ARFGEF3: variants seen among roughly 807,000 people sequenced by gnomAD.
ARFGEF3 encodes the protein ARFGEF family member 3.
In ARFGEF3, 96 loss-of-function variants were observed where a neutral mutation model predicts 221.7. The ratio of observed to expected loss-of-function variants is 0.43; its 90% CI spans 0.37 to 0.51. ARFGEF3 has a LOEUF of 0.51. Among genes scored for constraint, ARFGEF3 ranks in the 20% least tolerant of loss-of-function variants. The pLI, the probability that ARFGEF3 is intolerant of heterozygous loss-of-function variation, is 0.00. For missense variants in ARFGEF3, 2,410 were observed against 2,789.9 expected (o/e 0.86, Z 3.07); for synonymous variants, 1,145 against 1,126.8 (o/e 1.02, Z -0.32).
At chr6:138,206,336 A>C (rs1583010471) in intron 2 of ARFGEF3, among the ~76,000 whole-genome samples, 2 of 142,810 alleles carry the variant, frequency 1.4e-5, no homozygotes, top group African/African-American at 2.6e-5. Flanking sequence ...ATATCCAAAT[A>C]TCTCTCCTTT....
At position 138,263,131 on chromosome 6, in the gene ARFGEF3, A is replaced by G. The variant is rs768353537; in HGVS notation, c.1648A>G (p.Lys550Glu). The change falls in exon 12 of 34, where the codon AAA becomes GAA. Residue 550 changes from lysine (K) to glutamate (E), a missense_variant. By Grantham distance (56) the Lys-to-Glu change is moderately conservative. Coordinates refer to ENST00000251691, the MANE Select transcript of ARFGEF3 (RefSeq NM_020340.5). ...AIPEGKETLS[K>E]VLETEAVDQP... ...CCCAGAGGGTAAGGAGACGCTGAGC[A>G]AAGTATTGGAAACAGAGGCGGTAGA... 34 of 1,614,008 alleles carry G rather than the reference A, an allele frequency of 2.1e-5. No homozygotes were observed. The highest frequency in any genetic ancestry group is 2.9e-5 in the Non-Finnish European group (34 of 1,179,888).
chr6:138,225,911 A>G (rs1243052028), intron 4 of ARFGEF3, among the ~76,000 whole-genome samples: 1 of 152,180 alleles, frequency 6.6e-6, no homozygotes, highest in Non-Finnish European at 1.5e-5. Context: ...CATCTGCACT[A>G]TTTCTTTAAA....
chr6:138,198,537 T>C (rs896400602), intron 2 of ARFGEF3, among the ~76,000 whole-genome samples: 6 of 152,240 alleles, frequency 3.9e-5, no homozygotes, highest in Non-Finnish European at 7.3e-5. Context: ...GTAAACTGTT[T>C]AAATGTAAAG....
intron 32 of ARFGEF3, among the ~76,000 whole-genome samples, chr6:138,330,206 CAG>C (rs1780201425): frequency 6.6e-6 from 1 of 152,138 alleles, no homozygotes; most frequent in African/African-American, 2.4e-5. Context: ...AGCTTGGGCT[CAG>C]AGGCCTGACA....
At position 138,334,063 on chromosome 6, in the gene ARFGEF3, C is replaced by T; in HGVS notation, c.5217C>T (p.Gly1739=). The T allele has an allele frequency of 1.9e-6, 3 of 1,613,910 alleles. No individual in the cohort carries two copies. The highest frequency in any genetic ancestry group is 2.7e-5 in the African/African-American group (2 of 75,046). Residue 1739 remains glycine (G), a synonymous_variant, in exon 33 of 34, where the codon GGC becomes GGT. Coordinates refer to ENST00000251691, the MANE Select transcript of ARFGEF3 (RefSeq NM_020340.5). The surrounding 1 kb of genome is among the most constrained non-coding windows in gnomAD (Gnocchi z 5.1). The part of the protein sequence containing the change: ...YDILLEEFVK[G]PSPGEEKTIQ... ...TCTTGTTAGAAGAGTTTGTCAAAGG[C>T]CCCTCTCCTGGAGAGGAAAAGACGA... is the stretch of plus-strand genomic sequence containing the variant.
chr6:138,260,301 ACTT>A (rs1231483562), intron 10 of ARFGEF3, among the ~76,000 whole-genome samples: 1 of 152,200 alleles, frequency 6.6e-6, no homozygotes, highest in Non-Finnish European at 1.5e-5. Flanking sequence ...TTAAAATACA[ACTT>A]CTTCTATGTA....
At chr6:138,188,943 G>C (rs1777243279) in intron 2 of ARFGEF3, among the ~76,000 whole-genome samples, 1 of 152,228 alleles carries the variant, frequency 6.6e-6, no homozygotes, top group Non-Finnish European at 1.5e-5. Flanking sequence ...ATGTTCAGTA[G>C]TTGAAATACC....
chr6:138,341,019 C>T lies in ARFGEF3; in HGVS notation c.*4533C>T, dbSNP rs980536861. 2 of 152,224 alleles carry T rather than the reference C, an allele frequency of 1.3e-5. No homozygotes were observed. The highest frequency in any genetic ancestry group is 4.8e-5 in the African/African-American group (2 of 41,440). The allele number at this position is 152,224 out of a possible 1,614,324, so 9.4% of individuals were successfully genotyped here. ...ATCTAAACTTTAGTCTTCAAGCAGACATTCAGTGTTACTTTAGAAAACTCA... is the reference window on the plus strand; with the variant it reads ...ATCTAAACTTTAGTCTTCAAGCAGATATTCAGTGTTACTTTAGAAAACTCA... On this transcript the variant is annotated 3_prime_UTR_variant, in exon 34 of 34. Coordinates refer to ENST00000251691, the MANE Select transcript of ARFGEF3 (RefSeq NM_020340.5).
intron 2 of ARFGEF3, among the ~76,000 whole-genome samples, chr6:138,199,246 G>A (rs1485908395): frequency 6.6e-6 from 1 of 152,186 alleles, no homozygotes; most frequent in Admixed American, 6.6e-5. Context: ...GACATGTGTA[G>A]CATGTTACTT....
chr6:138,280,822 G>T (rs1779184987), intron 14 of ARFGEF3, among the ~76,000 whole-genome samples: 1 of 152,180 alleles, frequency 6.6e-6, no homozygotes, highest in Non-Finnish European at 1.5e-5. Context: ...CTGTACTCCA[G>T]CCTGGGCAAC....
chr6:138,307,449 G>C, intron 23 of ARFGEF3, 52 bp downstream of exon 23: 1 of 1,525,384 alleles, frequency 6.6e-7, no homozygotes, highest in Non-Finnish European at 9.0e-7. Flanking sequence ...TCTGTGCCAA[G>C]TTTCATGCTA....
chr6:138,333,666 TCTC>T (rs1444752968), intron 32 of ARFGEF3, among the ~76,000 whole-genome samples: 1 of 152,040 alleles, frequency 6.6e-6, no homozygotes, highest in Admixed American at 6.6e-5. Context: ...ATGGTCTCGA[TCTC>T]CTGACCTCGT....
intron 17 of ARFGEF3, among the ~76,000 whole-genome samples, chr6:138,289,360 C>T (rs184654676): frequency 6.6e-5 from 10 of 152,256 alleles, no homozygotes; most frequent in East Asian, 1.9e-4. Context: ...TCAAAATATA[C>T]GTAAATAAGT....
chr6:138,336,063 A>G (rs774549124), intron 33 of ARFGEF3, among the ~76,000 whole-genome samples: 2 of 152,154 alleles, frequency 1.3e-5, no homozygotes, highest in Non-Finnish European at 2.9e-5. Context: ...GTAGTTTGTG[A>G]AAGCTGAAAA....
intron 12 of ARFGEF3, among the ~76,000 whole-genome samples, chr6:138,276,181 G>A (rs1779092239): frequency 6.6e-6 from 1 of 152,198 alleles, no homozygotes; most frequent in African/African-American, 2.4e-5. Context: ...ACAGTGTAAG[G>A]ACACAGATGT....
chr6:138,262,284 G>A (rs1169554267), intron 11 of ARFGEF3, among the ~76,000 whole-genome samples: 1 of 150,646 alleles, frequency 6.6e-6, no homozygotes, highest in Admixed American at 6.6e-5. Context: ...CTGCCTTCCA[G>A]GTTCAAATGA....
At position 138,340,935 on chromosome 6, in the gene ARFGEF3, T is replaced by C. The variant is rs368295486; in HGVS notation, c.*4449T>C. 5.9e-5 allele frequency: 9 copies of C among 152,130 alleles called. No homozygotes were observed. Among genetic ancestry groups the C allele is most frequent in the Admixed American group, 3.3e-4 (5 of 15,264 alleles). The allele number at this position is 152,130 out of a possible 1,614,324, so 9.4% of individuals were successfully genotyped here. ...AAAGTTGAAAAAAGAAAATGAATCA[T>C]GTTTATACATAAAAAAATCACATGT... On this transcript the variant is annotated 3_prime_UTR_variant, in exon 34 of 34. Transcript: ENST00000251691.
At chr6:138,188,039 A>C (rs944342418) in intron 2 of ARFGEF3, among the ~76,000 whole-genome samples, 2 of 152,166 alleles carry the variant, frequency 1.3e-5, no homozygotes, top group Non-Finnish European at 2.9e-5. Flanking sequence ...ATAGAGTAGG[A>C]TATAGTGTTT....
At chr6:138,245,240 T>G (rs1778463985) in intron 7 of ARFGEF3, among the ~76,000 whole-genome samples, 2 of 152,168 alleles carry the variant, frequency 1.3e-5, no homozygotes, top group Admixed American at 1.3e-4. Context: ...AGGCGGAGGT[T>G]GCAGTGAGCC....
Sources: allele counts gnomAD v4.1 joint callset (sites outside exome capture counted in the v4.1 genomes callset), GRCh38; gene constraint gnomAD v4.1.1; non-coding constraint Gnocchi (gnomAD v3.1); transcripts MANE v1.5; gene names NCBI Gene and HGNC (gene_info 2026-07-23, HGNC 2026-07-21).